Variants in FAM72A observed in about 807,000 individuals in gnomAD.
FAM72A encodes the protein regulator of UNG2 and MKLN1 interacting yippee protein 1.
Under a neutral mutation model 11.3 loss-of-function variants are expected in FAM72A, and 1 was observed. That is an observed-to-expected ratio of 0.09 (90% CI 0.03 to 0.42). FAM72A has a LOEUF of 0.42. Among genes scored for constraint, FAM72A ranks in the 10% least tolerant of loss-of-function variants. FAM72A has a pLI of 0.98. For synonymous variants in FAM72A, 5 were observed against 46.9 expected (o/e 0.11, Z 3.65); for missense variants, 15 against 135.5 (o/e 0.11, Z 4.41).
intron 2 of FAM72A, among the ~76,000 whole-genome samples, chr1:206,197,276 C>A (rs1352356401): frequency 5.9e-5 from 9 of 152,316 alleles, no homozygotes; most frequent in African/African-American, 1.7e-4. Context: ...AGCTAACAGT[C>A]TAGCGAGGCT....
At chr1:206,196,553 G>A (rs1665066719) in intron 2 of FAM72A, among the ~76,000 whole-genome samples, 1 of 110,680 alleles carries the variant, frequency 9.0e-6, no homozygotes, top group Non-Finnish European at 1.8e-5. Context: ...GTGGCAAGTT[G>A]GGTTCTTACA....
At chr1:206,194,286 G>A (rs1216281493) in intron 3 of FAM72A, among the ~76,000 whole-genome samples, 1 of 152,390 alleles carries the variant, frequency 6.6e-6, no homozygotes, top group Non-Finnish European at 1.5e-5. Context: ...TTTAATGGAT[G>A]AAGAGTTGCT....
chr1:206,203,770 A>G (rs1665558414), upstream of FAM72A: 13 of 1,501,464 alleles, frequency 8.7e-6, no homozygotes, highest in Non-Finnish European at 9.9e-6. Flanking sequence ...GCATCGCCTT[A>G]GCGGTGCCGC....
At chr1:206,187,396 T>G (rs1553297016) in intron 3 of FAM72A, 23 bp from the exon 4 acceptor site, 2 of 1,610,384 alleles carry the variant, frequency 1.2e-6, no homozygotes, top group African/African-American at 1.3e-5. Flanking sequence ...AGTCATAAAA[T>G]TCTTTAATGC....
intron 1 of FAM72A, chr1:206,201,302 T>C (rs1665332770): frequency 4.2e-5 from 2 of 47,426 alleles, no homozygotes; most frequent in Middle Eastern, 0.014. Flanking sequence ...ATAGTCTTTA[T>C]TGGAGATAAG....
rs1473044678 is a variant in FAM72A, at chr1:206,191,718, AATATT to A, written c.355+4029_355+4033del. ...AATTGGTAGTGTACTTTCTTACTAA[AATATT>A]ATTTTTTTTTTTTTTTTTTTTTGAG... is the stretch of plus-strand genomic sequence containing the variant. On this transcript the variant is annotated intron_variant, in intron 3 of 3. Coordinates refer to ENST00000367128, the MANE Select transcript of FAM72A (RefSeq NM_001123168.3). Among the ~76,000 whole-genome samples, 590 of 136,138 alleles carry A rather than the reference AATATT, an allele frequency of 4.3e-3. 4 individuals carry two copies. Among genetic ancestry groups the A allele is most frequent in the Non-Finnish European group, 7.3e-3 (481 of 65,582 alleles). 89.3% of individuals were successfully genotyped at this position (136,138 alleles called of 152,430 possible). A position where few individuals can be genotyped will look rare whatever the true frequency, so the allele number is the denominator to read the frequency against.
intron 2 of FAM72A, among the ~76,000 whole-genome samples, chr1:206,198,120 T>C (rs1393298001): frequency 1.3e-5 from 2 of 150,900 alleles, no homozygotes; most frequent in African/African-American, 2.5e-5. Context: ...TCCTAGCACT[T>C]AGGGAGGCCA....
At chr1:206,203,798 G>GC (rs782493004), upstream of FAM72A, 1,061 of 1,531,966 alleles carry the variant, frequency 6.9e-4, 2 homozygotes, top group South Asian at 1.6e-3. Flanking sequence ...CCCTCAGACC[G>GC]CCCCCCCTCC....
chr1:206,205,227 AGT>A, upstream of FAM72A: 1 of 151,298 alleles, frequency 6.6e-6, no homozygotes, highest in South Asian at 2.1e-4. Context: ...GCTGCTCCAA[AGT>A]GTTTTCTTTC....
chr1:206,205,699 G>A, upstream of FAM72A: 1 of 493,936 alleles, frequency 2.0e-6, no homozygotes, highest in East Asian at 3.7e-5. Flanking sequence ...TCCGGGCGCT[G>A]CAGTTCTCCC....
At position 206,187,089 on chromosome 1, in the gene FAM72A, G is replaced by A. The variant is rs557558283; in HGVS notation, c.*190C>T. 862 of 880,734 alleles carry A rather than the reference G, an allele frequency of 9.8e-4. 24 individuals carry two copies. The South Asian group carries it at 0.018, about 19-fold the overall frequency. The allele number at this position is 880,734 out of a possible 1,614,324, so 54.6% of individuals were successfully genotyped here. ...GTCGGGGAGAGGAAGTAGAAGTAGA[G>A]GAAAAGCACAACTTCACTGGCTTCA... is the stretch of plus-strand genomic sequence containing the variant. On this transcript the variant is annotated 3_prime_UTR_variant, in exon 4 of 4. Coordinates refer to ENST00000367128, the MANE Select transcript of FAM72A (RefSeq NM_001123168.3).
chr1:206,191,733 T>A (rs1162405019), intron 3 of FAM72A, among the ~76,000 whole-genome samples: 3 of 143,852 alleles, frequency 2.1e-5, no homozygotes, highest in Non-Finnish European at 3.0e-5. Flanking sequence ...TATTTTTTTT[T>A]TTTTTTTTTT....
At chr1:206,187,688 C>T (rs1664601564) in intron 3 of FAM72A, among the ~76,000 whole-genome samples, 1 of 152,068 alleles carries the variant, frequency 6.6e-6, no homozygotes, top group African/African-American at 2.4e-5. Flanking sequence ...CCTCAGCCTC[C>T]CAAGTCACTG....
upstream of FAM72A, chr1:206,203,740 G>C (rs538562176): frequency 3.5e-6 from 5 of 1,426,926 alleles, no homozygotes; most frequent in Admixed American, 1.0e-4. Flanking sequence ...GGGAAGGAGA[G>C]GGCGCGGATG....
At position 206,187,378 on chromosome 1, in the gene FAM72A, A is replaced by G; in HGVS notation, c.356-5T>C. 6.2e-7 allele frequency: 1 copy of G among 1,611,310 alleles called. No homozygotes were observed. The highest frequency in any genetic ancestry group is 8.5e-7 in the Non-Finnish European group (1 of 1,179,584). On this transcript the variant is annotated splice_polypyrimidine_tract_variant and splice_region_variant and intron_variant, in intron 3 of 3. Transcript: ENST00000367128. Reference sequence around the variant, plus strand: ...CCCAAAGTAGGACGTTTACACCTGAAAATAAAAAGTCATAAAATTCTTTAA... The same window carrying G: ...CCCAAAGTAGGACGTTTACACCTGAGAATAAAAAGTCATAAAATTCTTTAA...
intron 2 of FAM72A, among the ~76,000 whole-genome samples, chr1:206,198,040 C>T (rs1189584255): frequency 1.3e-5 from 2 of 150,502 alleles, no homozygotes; most frequent in Admixed American, 6.6e-5. Flanking sequence ...GCTAACATGG[C>T]GAAATCCCGT....
At chr1:206,198,685 T>G (rs543108695) in intron 2 of FAM72A, among the ~76,000 whole-genome samples, 2 of 151,632 alleles carry the variant, frequency 1.3e-5, no homozygotes, top group South Asian at 2.1e-4. Flanking sequence ...GCTGTTGTAA[T>G]TTATAGTTTA....
At chr1:206,203,101 G>A (rs1665473925), upstream of FAM72A, 3 of 168,438 alleles carry the variant, frequency 1.8e-5, no homozygotes, top group South Asian at 4.0e-4. Flanking sequence ...GGAGGTTTCG[G>A]CAAACCCTGC....
rs1278331212 is a variant in FAM72A, at chr1:206,198,379, G to T, written c.230+1428C>A. Among the ~76,000 whole-genome samples the T allele has an allele frequency of 4.7e-5, 7 of 147,406 alleles. No homozygotes were observed. The East Asian group carries it at 1.4e-3, about 29-fold the overall frequency. Reference sequence around the variant, plus strand: ...ACTCCGTCTTAAAAAAAAAAAAAAAGAAAGAAGAAAATAATGTCCAAAGGC... The same window carrying T: ...ACTCCGTCTTAAAAAAAAAAAAAAATAAAGAAGAAAATAATGTCCAAAGGC... On this transcript the variant is annotated intron_variant, in intron 2 of 3. Coordinates refer to ENST00000367128, the MANE Select transcript of FAM72A (RefSeq NM_001123168.3).
Sources: allele counts gnomAD v4.1 joint callset (sites outside exome capture counted in the v4.1 genomes callset), GRCh38; gene constraint gnomAD v4.1.1; transcripts MANE v1.5; gene names NCBI Gene and HGNC (gene_info 2026-07-23, HGNC 2026-07-21).